The following TENM4 variants were observed in gnomAD, a reference collection of about 807,000 sequenced individuals.
The protein encoded by TENM4 is teneurin transmembrane protein 4, also known as teneurin-4.
Under a neutral mutation model 243.3 loss-of-function variants are expected in TENM4, and 82 were observed. The observed-to-expected ratio is 0.34, with a 90% CI of 0.28 to 0.40. The LOEUF is 0.40. TENM4 is among the 10% of genes least tolerant of loss of function. The pLI is 1.00. For synonymous variants in TENM4, 1,412 were observed against 1,456.3 expected, an observed-to-expected ratio of 0.97 and a Z score of 0.69; for missense variants, 3,138 against 3,673.3, an observed-to-expected ratio of 0.85 and a Z score of 3.77.
chr11:79,210,185 C>A (rs1863930529), intron 3 of TENM4, among the ~76,000 whole-genome samples: 1 of 152,180 alleles, frequency 6.6e-6, no homozygotes, highest in South Asian at 2.1e-4. Context: ...ACTGTCCTAA[C>A]TCCTTTGACT....
At position 78,732,531 on chromosome 11, in the gene TENM4, C is replaced by G; in HGVS notation, c.2923G>C (p.Glu975Gln). 1 of 1,612,466 alleles carries G rather than the reference C, an allele frequency of 6.2e-7. No individual in the cohort carries two copies. The highest frequency in any genetic ancestry group is 8.5e-7 in the Non-Finnish European group (1 of 1,179,066). Reference sequence around the variant, plus strand: ...TCCTGTGTGATGAAAGGTGCCCGCTCGAACCGCAGGATGATGGAGATGCCG... The same window carrying G: ...TCCTGTGTGATGAAAGGTGCCCGCTGGAACCGCAGGATGATGGAGATGCCG... ...NGGISIILRFERAPFITQEHT... is the reference protein window; with the variant it reads ...NGGISIILRFQRAPFITQEHT... Residue 975 changes from glutamate to glutamine, a missense_variant, in exon 21 of 34, where the codon GAG (glutamate) becomes CAG (glutamine). This residue lies in a region of TENM4 where 2,467 missense variants were observed against 3,059.1 expected (regional missense o/e 0.81). Transcript: ENST00000278550.
intron 32 of TENM4, among the ~76,000 whole-genome samples, chr11:78,668,595 G>A (rs1456603879): frequency 2.0e-5 from 3 of 152,076 alleles, no homozygotes; most frequent in African/African-American, 7.2e-5. Context: ...GGATTTCATG[G>A]TGAAAAAAGG....
At chr11:78,861,574 G>A (rs570962510) in intron 10 of TENM4, among the ~76,000 whole-genome samples, 1 of 152,278 alleles carries the variant, frequency 6.6e-6, no homozygotes, top group East Asian at 1.9e-4. Flanking sequence ...TCAAAATAGT[G>A]GGCAGGGGTT....
chr11:78,746,552 A>G (rs531366304), intron 19 of TENM4, among the ~76,000 whole-genome samples: 1 of 152,216 alleles, frequency 6.6e-6, no homozygotes, highest in Admixed American at 6.5e-5. Context: ...GCTGGCTGAT[A>G]AAAGTGTACA....
intron 4 of TENM4, among the ~76,000 whole-genome samples, chr11:79,104,639 C>G (rs1861318281): frequency 6.6e-6 from 1 of 152,240 alleles, no homozygotes; most frequent in African/African-American, 2.4e-5. Flanking sequence ...TCCAGGTCTT[C>G]CCATTATGAT....
intron 25 of TENM4, among the ~76,000 whole-genome samples, chr11:78,713,649 A>G (rs1281071117): frequency 1.3e-5 from 2 of 152,224 alleles, no homozygotes; most frequent in Admixed American, 6.5e-5. Flanking sequence ...GTTAACAGCT[A>G]CCTTGCTAGT....
At chr11:79,053,803 T>C (rs1304621740) in intron 6 of TENM4, among the ~76,000 whole-genome samples, 4 of 152,154 alleles carry the variant, frequency 2.6e-5, no homozygotes, top group Non-Finnish European at 5.9e-5. Flanking sequence ...CCATATAAAC[T>C]CCTGGAGTCC....
At chr11:79,057,827 G>A (rs1259469349) in intron 6 of TENM4, among the ~76,000 whole-genome samples, 1 of 152,068 alleles carries the variant, frequency 6.6e-6, no homozygotes, top group African/African-American at 2.4e-5. Flanking sequence ...TTATGTCCTA[G>A]CCTCATATGA....
Position 78,832,032 on chromosome 11 carries a change from T to C in TENM4, c.1682-17637A>G, listed in dbSNP as rs543605786. On this transcript the variant is annotated intron_variant, in intron 12 of 33. Transcript: ENST00000278550. ...TACATTGCATTGTGTCATTAATCCTTCCAAGGCTCAGGGAGGATAACTGAT... is the reference window on the plus strand; with the variant it reads ...TACATTGCATTGTGTCATTAATCCTCCCAAGGCTCAGGGAGGATAACTGAT... Among the ~76,000 whole-genome samples, 4 of 152,322 alleles carry C rather than the reference T, an allele frequency of 2.6e-5. No individual in the cohort carries two copies. In the East Asian group the frequency reaches 7.7e-4, roughly 29 times the overall value.
chr11:78,886,607 A>G (rs1464517027), intron 9 of TENM4, among the ~76,000 whole-genome samples: 1 of 152,158 alleles, frequency 6.6e-6, no homozygotes, highest in Non-Finnish European at 1.5e-5. Flanking sequence ...AAGAGAAATG[A>G]CTTTCCCAAG....
chr11:78,729,885 A>G, intron 21 of TENM4, among the ~76,000 whole-genome samples: 1 of 152,126 alleles, frequency 6.6e-6, no homozygotes, highest in Non-Finnish European at 1.5e-5. Flanking sequence ...GGAGGAGTAA[A>G]ACATGTCAGA....
intron 2 of TENM4, among the ~76,000 whole-genome samples, chr11:79,270,751 A>G (rs969119938): frequency 6.6e-6 from 1 of 152,262 alleles, no homozygotes; most frequent in South Asian, 2.1e-4. Flanking sequence ...GAAGCCCACC[A>G]TGACTCCTCC....
At chr11:79,306,794 C>T (rs1399952588) in intron 1 of TENM4, among the ~76,000 whole-genome samples, 1 of 152,130 alleles carries the variant, frequency 6.6e-6, no homozygotes, top group African/African-American at 2.4e-5. Context: ...GCTGCTGAGG[C>T]AGAAATGGAA....
At chr11:79,396,625 C>T (rs1467385426) in intron 1 of TENM4, among the ~76,000 whole-genome samples, 1 of 152,206 alleles carries the variant, frequency 6.6e-6, no homozygotes. Context: ...AATTGGGAGG[C>T]CGGCAAAGGA....
intron 19 of TENM4, chr11:78,756,508 T>G (rs1463959348): frequency 1.8e-5 from 7 of 383,588 alleles, no homozygotes; most frequent in Admixed American, 8.0e-5. Context: ...AAGAGCTGAC[T>G]GCAAAGTGGG....
In TENM4 at chr11:78,712,641, T is replaced by C. The variant is rs758629996; in HGVS notation, c.3895A>G (p.Ser1299Gly). ...SGAVFLSDSNSRRVFKIKSTV... is the reference protein window; with the variant it reads ...SGAVFLSDSNGRRVFKIKSTV... ...GACTTGATTTTAAAGACCCGCCGGC[T>C]GTTGCTGTCAGAAAGGAAGACGGCC... is the stretch of plus-strand genomic sequence containing the variant. Residue 1299 changes from serine to glycine, a missense_variant, in exon 26 of 34, where the codon AGC becomes GGC. Ser to Gly is a moderately conservative substitution (Grantham distance 56, BLOSUM62 0). Transcript: ENST00000278550. 1 of 1,613,988 alleles carries C rather than the reference T, an allele frequency of 6.2e-7. No homozygotes were observed. Among genetic ancestry groups the C allele is most frequent in the East Asian group, 2.2e-5 (1 of 44,878 alleles).
In TENM4 at chr11:79,214,456, T is replaced by C. The variant is rs185888402; in HGVS notation, c.-163+1352A>G. Among the ~76,000 whole-genome samples, 70 of 152,352 alleles carry C rather than the reference T, an allele frequency of 4.6e-4. 1 individual carries two copies. The highest frequency in any genetic ancestry group is 1.5e-3 in the African/African-American group (64 of 41,576). ...AGAGCTTAACATAGTGCTGCACTCA[T>C]GGTAAATCTTCCATATGTCTTTGTC... On this transcript the variant is annotated intron_variant, in intron 3 of 33. Transcript: ENST00000278550.
intron 1 of TENM4, among the ~76,000 whole-genome samples, chr11:79,362,373 T>C (rs573686): frequency 0.74 from 112,663 of 152,146 alleles, 41,938 homozygotes; most frequent in Middle Eastern, 0.8. Context: ...TAATAGGTAC[T>C]GTATACACGG....
At chr11:79,212,258 AC>A (rs1863969191) in intron 3 of TENM4, among the ~76,000 whole-genome samples, 1 of 152,188 alleles carries the variant, frequency 6.6e-6, no homozygotes, top group Non-Finnish European at 1.5e-5. Flanking sequence ...GCTCTGAGGC[AC>A]GGGCCATCAT....
Sources: allele counts gnomAD v4.1 joint callset (sites outside exome capture counted in the v4.1 genomes callset), GRCh38; gene constraint gnomAD v4.1.1; regional missense constraint gnomAD v4.1.1; transcripts MANE v1.5; gene names NCBI Gene and HGNC (gene_info 2026-07-23, HGNC 2026-07-21).